NRXN1: variants seen among roughly 807,000 people sequenced by gnomAD.
NRXN1 encodes neurexin-1.
Under a neutral mutation model 150.9 loss-of-function variants are expected in NRXN1, and 39 were observed. The observed-to-expected ratio is 0.26, with a 90% CI of 0.20 to 0.34. NRXN1 has a LOEUF of 0.34. Among genes scored for constraint, NRXN1 ranks in the 10% least tolerant of loss-of-function variants. The pLI is 1.00. For missense variants in NRXN1, 1,815 were observed against 1,949.9 expected (o/e 0.93, Z 1.30); for synonymous variants, 924 against 757.0 (o/e 1.22, Z -3.62).
rs114468869 is a variant in NRXN1 at position 50,955,941 on chromosome 2, T to C, written c.773-29986A>G. Among the ~76,000 whole-genome samples the C allele has an allele frequency of 7.1e-3, 1,079 of 152,282 alleles. 8 individuals carry two copies. The highest frequency in any genetic ancestry group is 0.024 in the African/African-American group (1,018 of 41,554). On this transcript the variant is annotated intron_variant, in intron 2 of 22. Coordinates refer to ENST00000401669, the MANE Select transcript of NRXN1 (RefSeq NM_001330078.2). The stretch of plus-strand genomic sequence containing the variant: ...TTCCCAGAGTCTGCCGGGCAGCAGC[T>C]GGGTTAGCAAAACACATGAAACATG...
intron 2 of NRXN1, among the ~76,000 whole-genome samples, chr2:51,012,534 T>A (rs950344586): frequency 6.6e-6 from 1 of 152,032 alleles, no homozygotes; most frequent in East Asian, 1.9e-4. Flanking sequence ...TAATTAATAG[T>A]GAGTTTTATT....
At chr2:50,353,523 T>G (rs767617540) in intron 17 of NRXN1, among the ~76,000 whole-genome samples, 59 of 152,214 alleles carry the variant, frequency 3.9e-4, no homozygotes, top group Admixed American at 1.4e-3. Context: ...GACATTGAGT[T>G]TAAGGGCCCC....
chr2:50,990,195 T>A (rs1425647042), intron 2 of NRXN1, among the ~76,000 whole-genome samples: 1 of 152,038 alleles, frequency 6.6e-6, no homozygotes, highest in Non-Finnish European at 1.5e-5. Flanking sequence ...TTTGTGTATT[T>A]AGGATAGGCA....
At chr2:49,951,315 GA>G (rs1367413603) in intron 21 of NRXN1, among the ~76,000 whole-genome samples, 1 of 151,890 alleles carries the variant, frequency 6.6e-6, no homozygotes, top group African/African-American at 2.4e-5. Context: ...CAGGGAACTT[GA>G]AATTAAATTT....
At chr2:51,004,769 C>A (rs1294757993) in intron 2 of NRXN1, among the ~76,000 whole-genome samples, 1 of 151,956 alleles carries the variant, frequency 6.6e-6, no homozygotes, top group African/African-American at 2.4e-5. Context: ...GGGGAATGCC[C>A]AGTACTGGGA....
intron 5 of NRXN1, among the ~76,000 whole-genome samples, chr2:50,690,189 T>A (rs1691872445): frequency 6.6e-6 from 1 of 152,176 alleles, no homozygotes; most frequent in African/African-American, 2.4e-5. Context: ...ATGTCAACAT[T>A]TCATTTTCAC....
At chr2:50,393,506 T>C (rs988246550) in intron 17 of NRXN1, among the ~76,000 whole-genome samples, 5 of 152,132 alleles carry the variant, frequency 3.3e-5, no homozygotes, top group Admixed American at 2.6e-4. Flanking sequence ...ATATTTTGGC[T>C]GTGGAAAACA....
intron 17 of NRXN1, among the ~76,000 whole-genome samples, chr2:50,422,317 C>T (rs752428055): frequency 5.3e-5 from 8 of 151,972 alleles, no homozygotes; most frequent in Non-Finnish European, 1.0e-4. Context: ...CTAACTATAG[C>T]CTAGAGTAAA....
At chr2:50,752,028 C>T (rs1700651962) in intron 5 of NRXN1, among the ~76,000 whole-genome samples, 2 of 151,976 alleles carry the variant, frequency 1.3e-5, no homozygotes, top group South Asian at 4.1e-4. Flanking sequence ...AAAACAGTCA[C>T]TTTGAACACA....
chr2:51,023,636 G>A (rs1249272425), intron 2 of NRXN1, among the ~76,000 whole-genome samples: 1 of 152,090 alleles, frequency 6.6e-6, no homozygotes, highest in African/African-American at 2.4e-5. Flanking sequence ...TTTTTTTAAA[G>A]TCAATATGCC....
intron 8 of NRXN1, among the ~76,000 whole-genome samples, chr2:50,582,506 T>TAAAAA (rs1672433173): frequency 8.4e-6 from 1 of 118,886 alleles, no homozygotes; most frequent in African/African-American, 3.4e-5. Context: ...AAAAAAAAAT[T>TAAAAA]ATTTACCAGG....
At chr2:50,509,370 T>A (rs1005196301) in intron 12 of NRXN1, among the ~76,000 whole-genome samples, 9 of 152,172 alleles carry the variant, frequency 5.9e-5, no homozygotes, top group African/African-American at 1.2e-4. Context: ...GCACAAGTCC[T>A]GGTGGAAGCA....
At chr2:50,749,341 C>G (rs543287661) in intron 5 of NRXN1, among the ~76,000 whole-genome samples, 6 of 152,132 alleles carry the variant, frequency 3.9e-5, no homozygotes, top group South Asian at 4.1e-4. Context: ...AGGCCCTGCT[C>G]TATGTTAGAA....
At chr2:49,936,335 G>A (rs1435736399) in intron 22 of NRXN1, among the ~76,000 whole-genome samples, 3 of 152,132 alleles carry the variant, frequency 2.0e-5, no homozygotes, top group Non-Finnish European at 2.9e-5. Context: ...CCTTATGAGC[G>A]ACCTCACTAC....
intron 8 of NRXN1, among the ~76,000 whole-genome samples, chr2:50,605,225 T>C (rs568155089): frequency 6.6e-6 from 1 of 152,352 alleles, no homozygotes; most frequent in Admixed American, 6.5e-5. Context: ...GTTGTGGTCA[T>C]TGAATACATT....
chr2:50,012,348 T>C (rs1685836418), intron 21 of NRXN1, among the ~76,000 whole-genome samples: 1 of 152,162 alleles, frequency 6.6e-6, no homozygotes, highest in Non-Finnish European at 1.5e-5. Flanking sequence ...TGTAGTAGTG[T>C]ATAGATTAGC....
Position 50,413,723 on chromosome 2 carries a change from C to A in NRXN1, c.3364+51719G>T, listed in dbSNP as rs115042331. 8.5e-3 allele frequency among the ~76,000 whole-genome samples: 1,291 copies of A among 152,250 alleles called. 10 individuals are homozygous for A. Among genetic ancestry groups the A allele is most frequent in the Non-Finnish European group, 0.015 (1,028 of 68,002 alleles). ...GGAAATCAGTATATCAAAGAGACAT[C>A]TGCACTCCTATGTTTGTTGCAGCAC... On this transcript the variant is annotated intron_variant, in intron 17 of 22. Transcript: ENST00000401669.
intron 17 of NRXN1, among the ~76,000 whole-genome samples, chr2:50,308,891 G>A (rs1345501860): frequency 6.6e-6 from 1 of 152,142 alleles, no homozygotes; most frequent in African/African-American, 2.4e-5. Context: ...TCCTAGTCTT[G>A]TGTTCCTCAG....
intron 5 of NRXN1, among the ~76,000 whole-genome samples, chr2:50,730,719 C>T (rs1697994901): frequency 7.6e-6 from 1 of 131,836 alleles, no homozygotes; most frequent in Non-Finnish European, 1.5e-5. Context: ...GTCGCACAGG[C>T]TGGAGTGCAG....
Sources: gnomAD v4.1 joint callset for allele counts (sites outside exome capture counted in the v4.1 genomes callset) on GRCh38, gnomAD v4.1.1 for gene constraint, MANE v1.5 for transcripts, NCBI Gene and HGNC (gene_info 2026-07-23, HGNC 2026-07-21) for gene names.